KCNJ6: variants seen among roughly 807,000 people sequenced by gnomAD.
The protein encoded by KCNJ6 is potassium inwardly rectifying channel subfamily J member 6, also known as G protein-activated inward rectifier potassium channel 2.
A neutral mutation model predicts 34.2 loss-of-function variants in KCNJ6; 9 were observed. The observed-to-expected ratio is 0.26, with a 90% CI of 0.16 to 0.46. The LOEUF (loss-of-function observed/expected upper bound fraction) is 0.46, where lower values mean the gene tolerates loss of function less well. Among genes scored for constraint, KCNJ6 ranks in the 20% least tolerant of loss-of-function variants. KCNJ6 has a pLI of 1.00. For missense variants in KCNJ6, 236 were observed against 531.3 expected (o/e 0.44, Z 5.46); for synonymous variants, 196 against 207.1 (o/e 0.95, Z 0.46).
At chr21:37,729,180 A>G (rs922611858) in intron 2 of KCNJ6, among the ~76,000 whole-genome samples, 4 of 152,240 alleles carry the variant, frequency 2.6e-5, no homozygotes, top group African/African-American at 9.7e-5. Flanking sequence ...TAGAATGTCT[A>G]GTACCCACTG....
chr21:37,747,651 G>A (rs1427623256), intron 2 of KCNJ6, among the ~76,000 whole-genome samples: 1 of 152,102 alleles, frequency 6.6e-6, no homozygotes, highest in Non-Finnish European at 1.5e-5. Flanking sequence ...GGGAGAACGA[G>A]AGAGATGGCA....
At chr21:37,674,899 T>A (rs1161358603) in intron 3 of KCNJ6, among the ~76,000 whole-genome samples, 1 of 152,168 alleles carries the variant, frequency 6.6e-6, no homozygotes, top group Non-Finnish European at 1.5e-5. Flanking sequence ...AATGAATGAA[T>A]GAATAATGAA....
At chr21:37,892,617 G>A (rs1228485213) in intron 1 of KCNJ6, among the ~76,000 whole-genome samples, 1 of 152,154 alleles carries the variant, frequency 6.6e-6, no homozygotes, top group Non-Finnish European at 1.5e-5. Context: ...TGAGGCAACA[G>A]GGTGAAGGCA....
intron 1 of KCNJ6, among the ~76,000 whole-genome samples, chr21:37,875,564 C>G (rs971366826): frequency 1.3e-5 from 2 of 152,216 alleles, no homozygotes; most frequent in African/African-American, 4.8e-5. Context: ...TTTTATGCTT[C>G]TGAAGCTGCT....
chr21:37,888,110 A>C (rs1434539046), intron 1 of KCNJ6, among the ~76,000 whole-genome samples: 1 of 152,238 alleles, frequency 6.6e-6, no homozygotes, highest in East Asian at 1.9e-4. Context: ...ATGAAAACCA[A>C]GGCTGGCTAT....
At chr21:37,871,839 G>A (rs985357200) in intron 1 of KCNJ6, among the ~76,000 whole-genome samples, 7 of 152,030 alleles carry the variant, frequency 4.6e-5, no homozygotes, top group Non-Finnish European at 7.4e-5. Context: ...ATTTTTTAAC[G>A]AAAAGCTTTT....
chr21:37,667,047 G>A (rs925460279), intron 3 of KCNJ6, among the ~76,000 whole-genome samples: 3 of 149,594 alleles, frequency 2.0e-5, no homozygotes, highest in Admixed American at 1.3e-4. Flanking sequence ...TAGGAAAACC[G>A]GAGACCTTTG....
chr21:37,628,712 C>T (rs1186815115), intron 3 of KCNJ6, among the ~76,000 whole-genome samples: 2 of 152,044 alleles, frequency 1.3e-5, no homozygotes, highest in Non-Finnish European at 2.9e-5. Context: ...TAAGGTGAAC[C>T]CAAAGAGATT....
chr21:37,718,745 A>T (rs1193011136), intron 2 of KCNJ6, among the ~76,000 whole-genome samples: 1 of 152,192 alleles, frequency 6.6e-6, no homozygotes, highest in East Asian at 1.9e-4. Flanking sequence ...CAGCACACCA[A>T]CATGGCACAT....
chr21:37,761,168 GTGT>G (rs201273933), intron 2 of KCNJ6, among the ~76,000 whole-genome samples: 3,492 of 151,492 alleles, frequency 0.023, 115 homozygotes, highest in African/African-American at 0.079. Flanking sequence ...TGCTGTATGT[GTGT>G]TGTGTGTGCA....
chr21:37,835,723 C>T (rs2055448307), intron 2 of KCNJ6, among the ~76,000 whole-genome samples: 1 of 152,172 alleles, frequency 6.6e-6, no homozygotes, highest in Admixed American at 6.5e-5. Context: ...TGGGAGCCTC[C>T]ACTAGAATCA....
rs1055213656 is a variant in KCNJ6, at chr21:37,767,246, C to T, written c.26-52115G>A. 5.3e-5 allele frequency among the ~76,000 whole-genome samples: 8 copies of T among 152,162 alleles called. No homozygotes were observed. In the South Asian group the frequency reaches 6.2e-4, roughly 12 times the overall value. On this transcript the variant is annotated intron_variant, in intron 2 of 3. Transcript: ENST00000609713. ...GGTGAGAAAGATGGGAGACAGAGGG[C>T]GTCCAGCTGCCTCGTCCTCACCTCA...
intron 2 of KCNJ6, among the ~76,000 whole-genome samples, chr21:37,746,134 G>A (rs1483817008): frequency 2.6e-5 from 4 of 152,052 alleles, no homozygotes; most frequent in Non-Finnish European, 5.9e-5. Context: ...ACCTCTCAAA[G>A]TCCCCAACTC....
Position 37,870,587 on chromosome 21 carries a change from A to AT in KCNJ6, c.-27-29879_-27-29878insA, listed in dbSNP as rs201091934. 3.0e-3 allele frequency among the ~76,000 whole-genome samples: 442 copies of AT among 147,978 alleles called. 1 individual carries two copies. The highest frequency in any genetic ancestry group is 0.016 in the East Asian group (82 of 4,986). On this transcript the variant is annotated intron_variant, in intron 1 of 3. Transcript: ENST00000609713. The stretch of plus-strand genomic sequence containing the variant: ...ATTAAAAATACTTAGAACAATTCAA[A>AT]ATTTTGTTTTTTTTGGTTTCCAAAA...
At chr21:37,811,152 C>A (rs1032405206) in intron 2 of KCNJ6, among the ~76,000 whole-genome samples, 1 of 152,152 alleles carries the variant, frequency 6.6e-6, no homozygotes, top group Non-Finnish European at 1.5e-5. Context: ...GGTTGGTGAA[C>A]AAGAACACAT....
chr21:37,866,860 A>T (rs533916306), intron 1 of KCNJ6, among the ~76,000 whole-genome samples: 1 of 152,360 alleles, frequency 6.6e-6, no homozygotes, highest in South Asian at 2.1e-4. Context: ...GATGTCTTCA[A>T]TACAAAACTA....
rs1017625597 is a variant in KCNJ6, at chr21:37,619,572, C to T, written c.*5587G>A. The T allele has an allele frequency of 9.9e-5, 15 of 152,212 alleles. No individual in the cohort carries two copies. Among genetic ancestry groups the T allele is most frequent in the African/African-American group, 1.9e-4 (8 of 41,448 alleles). The allele number at this position is 152,212 out of a possible 1,614,324, so 9.4% of individuals were successfully genotyped here. A position where few individuals can be genotyped will look rare whatever the true frequency, so the allele number is the denominator to read the frequency against. ...TAAACATGAGCTAGTTCCAGGTTCA[C>T]GTTCATCACCTTGATCAGTTGTAAA... On this transcript the variant is annotated 3_prime_UTR_variant, in exon 4 of 4. Coordinates refer to ENST00000609713, the MANE Select transcript of KCNJ6 (RefSeq NM_002240.5).
At chr21:37,625,560 G>C in intron 3 of KCNJ6, 76 bp from the exon 4 acceptor site, 1 of 1,053,658 alleles carries the variant, frequency 9.5e-7, no homozygotes, top group South Asian at 1.5e-5. Context: ...AGAGAGCCAG[G>C]AGGAGTACTG....
intron 3 of KCNJ6, among the ~76,000 whole-genome samples, chr21:37,674,656 C>T (rs1016151729): frequency 2.0e-5 from 3 of 151,628 alleles, no homozygotes; most frequent in African/African-American, 7.3e-5. Context: ...CAGGATGGAT[C>T]TAGTATTAGC....
Sources: allele counts gnomAD v4.1 joint callset (sites outside exome capture counted in the v4.1 genomes callset), GRCh38; gene constraint gnomAD v4.1.1; transcripts MANE v1.5; gene names NCBI Gene and HGNC (gene_info 2026-07-23, HGNC 2026-07-21).